Variants in PLD1 observed in about 807,000 individuals in gnomAD.
PLD1 encodes the protein phospholipase D1, also known as choline phosphatase 1.
PLD1 carries 112 observed loss-of-function variants against 137.1 expected under a neutral mutation model. The observed-to-expected ratio is 0.82, with a 90% confidence interval of 0.70 to 0.96. PLD1 has a LOEUF of 0.96. PLD1 is among the 40% of genes least tolerant of loss of function. The probability of loss-of-function intolerance (pLI) is 0.00; values close to 1 mark genes in which losing one functional copy is unlikely to be tolerated. For synonymous variants in PLD1, 431 were observed against 454.7 expected, an observed-to-expected ratio of 0.95 and a Z score of 0.66; for missense variants, 1,321 against 1,342.0, an observed-to-expected ratio of 0.98 and a Z score of 0.24.
chr3:171,693,489 A>G (rs1413646936), intron 12 of PLD1, among the ~76,000 whole-genome samples: 1 of 151,906 alleles, frequency 6.6e-6, no homozygotes, highest in Non-Finnish European at 1.5e-5. Flanking sequence ...ATCCCCCTCC[A>G]ATGTATAGTT....
chr3:171,674,417 G>C (rs991114321), intron 19 of PLD1, 83 bp downstream of exon 19: 1 of 592,244 alleles, frequency 1.7e-6, no homozygotes, highest in Admixed American at 2.9e-5. Flanking sequence ...AAAATCTGAA[G>C]CCAATGTAAT....
chr3:171,804,169 T>A (rs1167372856), intron 1 of PLD1, among the ~76,000 whole-genome samples: 1 of 152,196 alleles, frequency 6.6e-6, no homozygotes, highest in Non-Finnish European at 1.5e-5. Context: ...GAAATGTTTT[T>A]CTGCTCCAAG....
At chr3:171,651,636 C>A (rs1277953424) in intron 21 of PLD1, among the ~76,000 whole-genome samples, 2 of 152,100 alleles carry the variant, frequency 1.3e-5, no homozygotes, top group African/African-American at 4.8e-5. Flanking sequence ...TCAGTTTTCT[C>A]ATTGGTTATC....
chr3:171,618,039 C>T (rs1195399559), intron 24 of PLD1, among the ~76,000 whole-genome samples: 1 of 151,822 alleles, frequency 6.6e-6, no homozygotes, highest in Non-Finnish European at 1.5e-5. Flanking sequence ...TCTTGAGTTT[C>T]CACCGAGATA....
intron 23 of PLD1, among the ~76,000 whole-genome samples, chr3:171,622,659 T>G (rs924000289): frequency 1.3e-5 from 2 of 150,888 alleles, no homozygotes; most frequent in Admixed American, 1.3e-4. Flanking sequence ...ATTATATATT[T>G]ATATGCATAT....
intron 1 of PLD1, chr3:171,788,810 G>A (rs929475867): frequency 2.0e-5 from 3 of 152,184 alleles, no homozygotes; most frequent in African/African-American, 7.2e-5. Flanking sequence ...TCTATATATA[G>A]TACTTCAACT....
intron 1 of PLD1, among the ~76,000 whole-genome samples, chr3:171,801,402 A>G (rs2108359158): frequency 6.6e-6 from 1 of 152,300 alleles, no homozygotes; most frequent in South Asian, 2.1e-4. Context: ...CATATCCAAC[A>G]TGCGTTTCTG....
At chr3:171,611,997 G>C (rs757104571) in intron 25 of PLD1, among the ~76,000 whole-genome samples, 2 of 152,184 alleles carry the variant, frequency 1.3e-5, no homozygotes, top group Non-Finnish European at 2.9e-5. Context: ...CAGGAGGATT[G>C]CTTGAGCCTA....
chr3:171,725,958 G>A (rs902255401), intron 7 of PLD1, 60 bp downstream of exon 7: 9 of 1,134,718 alleles, frequency 7.9e-6, no homozygotes, highest in African/African-American at 4.6e-5. Flanking sequence ...ATGCTGCTAC[G>A]TTAAGTGTGA....
At chr3:171,623,174 TATAAG>T (rs1487469280) in intron 23 of PLD1, among the ~76,000 whole-genome samples, 1 of 152,044 alleles carries the variant, frequency 6.6e-6, no homozygotes, top group Non-Finnish European at 1.5e-5. Flanking sequence ...TGTAATGTAA[TATAAG>T]GTAATGTAAT....
intron 11 of PLD1, among the ~76,000 whole-genome samples, chr3:171,708,141 A>G (rs1716843577): frequency 6.6e-6 from 1 of 152,180 alleles, no homozygotes; most frequent in Non-Finnish European, 1.5e-5. Context: ...ATTGGAACTG[A>G]AGTCAGACTA....
rs182604036 is a variant in PLD1, at chr3:171,610,451, A to G, written c.2882+1828T>C. ...ACATATACCAAATGTTAAAACTGTT[A>G]TCACAAGGTGATGGTATTACAGATG... On this transcript the variant is annotated intron_variant, in intron 25 of 26. Transcript: ENST00000351298. Among the ~76,000 whole-genome samples, 20 of 152,356 alleles carry G rather than the reference A, an allele frequency of 1.3e-4. 1 individual carries two copies. The highest frequency in any genetic ancestry group is 4.6e-4 in the African/African-American group (19 of 41,600).
chr3:171,726,479 T>C (rs950721957), intron 6 of PLD1, among the ~76,000 whole-genome samples: 1 of 152,136 alleles, frequency 6.6e-6, no homozygotes, highest in Non-Finnish European at 1.5e-5. Context: ...ATCTGGAAGA[T>C]GGACTGGATT....
chr3:171,734,722 T>C (rs181071861), intron 5 of PLD1, 143 bp downstream of exon 5: 78 of 589,548 alleles, frequency 1.3e-4, no homozygotes, highest in African/African-American at 1.3e-3. Context: ...GCCTAACTAG[T>C]TCCAGAAAAG....
At chr3:171,682,158 AAG>A (rs1491113314) in intron 16 of PLD1, among the ~76,000 whole-genome samples, 2 of 48,892 alleles carry the variant, frequency 4.1e-5, no homozygotes, top group South Asian at 4.5e-4. Context: ...GAAAGAAAGA[AAG>A]AAAGAAAAAG....
chr3:171,723,868 A>G (rs1228232249), intron 8 of PLD1, among the ~76,000 whole-genome samples: 3 of 152,030 alleles, frequency 2.0e-5, no homozygotes, highest in Non-Finnish European at 4.4e-5. Flanking sequence ...CCCTTATCAG[A>G]TAGGTAGTTT....
intron 1 of PLD1, among the ~76,000 whole-genome samples, chr3:171,745,414 C>A (rs538604663): frequency 1.3e-5 from 2 of 152,300 alleles, no homozygotes; most frequent in African/African-American, 4.8e-5. Flanking sequence ...CCATCTGCAT[C>A]CCTGGCCTCT....
Position 171,612,402 on chromosome 3 carries a change from A to G in PLD1, c.2759T>C (p.Leu920Pro). 4 of 1,614,146 alleles carry G rather than the reference A, an allele frequency of 2.5e-6. No homozygotes were observed. The highest frequency in any genetic ancestry group is 3.4e-6 in the Non-Finnish European group (4 of 1,179,978). ...GSANINDRSM[L>P]GKRDSEMAVI... ...AGCCATTTCACTGTCACGCTTTCCC[A>G]GCATGCTGCGGTCATTTATGTTGGC... The change falls in exon 25 of 27, where the codon CTG (leucine) becomes CCG (proline). Residue 920 changes from leucine to proline, a missense_variant. Physicochemically the swap from Leu to Pro is moderately conservative, Grantham distance 98 (BLOSUM62 -3). Coordinates refer to ENST00000351298, the MANE Select transcript of PLD1 (RefSeq NM_002662.5). The surrounding 1 kb of genome is among the most constrained non-coding windows in gnomAD (Gnocchi z 4.1).
chr3:171,726,094 A>G lies in PLD1; in HGVS notation c.607-18T>C, dbSNP rs774815823. 6.3e-7 allele frequency: 1 copy of G among 1,584,842 alleles called. No homozygotes were observed. The highest frequency in any genetic ancestry group is 2.2e-5 in the East Asian group (1 of 44,766). Reference sequence around the variant, plus strand: ...AACTCTGTCTGAAAAGAAGCAAAAAATCCATCTTTAGCAAGCAAAACAATT... The same window carrying G: ...AACTCTGTCTGAAAAGAAGCAAAAAGTCCATCTTTAGCAAGCAAAACAATT... On this transcript the variant is annotated intron_variant, in intron 6 of 26. Coordinates refer to ENST00000351298, the MANE Select transcript of PLD1 (RefSeq NM_002662.5).
Sources: allele counts gnomAD v4.1 joint callset (sites outside exome capture counted in the v4.1 genomes callset), GRCh38; gene constraint gnomAD v4.1.1; non-coding constraint Gnocchi (gnomAD v3.1); transcripts MANE v1.5; gene names NCBI Gene and HGNC (gene_info 2026-07-23, HGNC 2026-07-21).